The following SIPA1L3 variants were observed in gnomAD, a reference collection of about 807,000 sequenced individuals.
SIPA1L3 encodes the protein signal-induced proliferation-associated 1-like protein 3.
In SIPA1L3, 59 loss-of-function variants were observed where a neutral mutation model predicts 150.1. That is an observed-to-expected ratio of 0.39 (90% CI 0.32 to 0.49). SIPA1L3 has a LOEUF of 0.49. Among genes scored for constraint, SIPA1L3 ranks in the 20% least tolerant of loss-of-function variants. The pLI is 0.86. For synonymous variants in SIPA1L3, 1,070 were observed against 1,077.6 expected, an observed-to-expected ratio of 0.99 and a Z score of 0.14; for missense variants, 2,211 against 2,489.5, an observed-to-expected ratio of 0.89 and a Z score of 2.38.
At chr19:38,145,232 C>CAA (rs55893104) in intron 12 of SIPA1L3, among the ~76,000 whole-genome samples, 15 of 151,110 alleles carry the variant, frequency 9.9e-5, no homozygotes, top group Admixed American at 2.6e-4. Flanking sequence ...AGGAAGTTGC[C>CAA]AAAAAAAACA....
intron 1 of SIPA1L3, among the ~76,000 whole-genome samples, chr19:37,955,715 TTC>T (rs1242371104): frequency 3.6e-4 from 55 of 152,248 alleles, no homozygotes; most frequent in Admixed American, 3.6e-3. Flanking sequence ...CGTTCATTTG[TTC>T]TTATTGCTGA....
intron 12 of SIPA1L3, among the ~76,000 whole-genome samples, chr19:38,147,180 A>G (rs571801069): frequency 4.8e-4 from 73 of 151,414 alleles, no homozygotes; most frequent in Non-Finnish European, 7.5e-4. Context: ...TCATGCCTCA[A>G]CCTCCCATGA....
At position 38,182,686 on chromosome 19, in the gene SIPA1L3, G is replaced by C; in HGVS notation, c.4376G>C (p.Trp1459Ser). 1 of 1,614,138 alleles carries C rather than the reference G, an allele frequency of 6.2e-7. No homozygotes were observed. The highest frequency in any genetic ancestry group is 1.1e-5 in the South Asian group (1 of 91,062). The change falls in exon 16 of 22, where the codon TGG (tryptophan) becomes TCG (serine). Residue 1459 changes from tryptophan to serine, a missense_variant. Transcript: ENST00000222345. ...QPVRNKHPTG[W>S]KRTEEPPPRP... is the part of the protein sequence containing the mutation. Reference sequence around the variant, plus strand: ...GTACGCAATAAGCACCCAACAGGGTGGAAGAGAACGGAGGAGCCCCCACCA... The same window carrying C: ...GTACGCAATAAGCACCCAACAGGGTCGAAGAGAACGGAGGAGCCCCCACCA...
At chr19:37,945,489 A>C (rs980417860) in intron 1 of SIPA1L3, among the ~76,000 whole-genome samples, 1 of 152,076 alleles carries the variant, frequency 6.6e-6, no homozygotes, top group African/African-American at 2.4e-5. Flanking sequence ...TGCCCACTTC[A>C]GCCTTCCAAA....
chr19:38,133,986 A>T (rs1028593922), intron 10 of SIPA1L3, among the ~76,000 whole-genome samples: 4 of 145,232 alleles, frequency 2.8e-5, no homozygotes, highest in African/African-American at 5.0e-5. Flanking sequence ...ACTACAACAA[A>T]TTTTTTTTTT....
At chr19:37,988,878 G>A (rs1397121426) in intron 1 of SIPA1L3, among the ~76,000 whole-genome samples, 2 of 152,042 alleles carry the variant, frequency 1.3e-5, no homozygotes, top group East Asian at 3.9e-4. Flanking sequence ...TGCGCGGGCC[G>A]TCCTCCCTCC....
At chr19:38,004,124 A>G (rs925192481) in intron 1 of SIPA1L3, among the ~76,000 whole-genome samples, 2 of 152,202 alleles carry the variant, frequency 1.3e-5, no homozygotes, top group Non-Finnish European at 2.9e-5. Flanking sequence ...AGTGTGCTAG[A>G]CAGTCTTTAA....
intron 1 of SIPA1L3, among the ~76,000 whole-genome samples, chr19:38,024,023 G>A (rs929850251): frequency 6.6e-6 from 1 of 152,156 alleles, no homozygotes; most frequent in Non-Finnish European, 1.5e-5. Flanking sequence ...GAGGGGGAGG[G>A]GGGTGGACGA....
intron 1 of SIPA1L3, among the ~76,000 whole-genome samples, chr19:37,953,150 C>G (rs353408): frequency 6.6e-6 from 1 of 152,306 alleles, no homozygotes; most frequent in East Asian, 1.9e-4. Flanking sequence ...CGTGAACCCG[C>G]ATTCTCAGCT....
intron 6 of SIPA1L3, among the ~76,000 whole-genome samples, chr19:38,103,628 CAAA>C (rs35401704): frequency 7.3e-6 from 1 of 137,282 alleles, no homozygotes. Flanking sequence ...AACTTCATCT[CAAA>C]AAAAAAAAAG....
chr19:38,046,420 G>A lies in SIPA1L3; in HGVS notation c.-311+17264G>A, dbSNP rs1599949949. On this transcript the variant is annotated intron_variant, in intron 2 of 21. Transcript: ENST00000222345. This position sits in a 1 kb window ranked among gnomAD's most constrained non-coding sequence, Gnocchi z 5.6. The stretch of plus-strand genomic sequence containing the variant: ...GATGACAGCACAAAGCTTCAAGGTC[G>A]GGGGCCGTGGGGTGGTGGTGGAGTC... Among the ~76,000 whole-genome samples the A allele has an allele frequency of 1.3e-5, 2 of 152,146 alleles. No individual in the cohort carries two copies. The highest frequency in any genetic ancestry group is 3.9e-4 in the East Asian group (2 of 5,172).
intron 10 of SIPA1L3, among the ~76,000 whole-genome samples, chr19:38,134,231 G>C (rs1479448233): frequency 3.3e-5 from 5 of 150,388 alleles, no homozygotes. Flanking sequence ...TGATCTGCCC[G>C]CCTCGACCTC....
chr19:37,977,619 A>G (rs1181002407), intron 1 of SIPA1L3, among the ~76,000 whole-genome samples: 3 of 151,716 alleles, frequency 2.0e-5, no homozygotes, highest in Non-Finnish European at 4.4e-5. Context: ...CGAGGGAGAA[A>G]CAGTTGTCCC....
At chr19:38,154,112 G>C (rs1971890067) in intron 13 of SIPA1L3, among the ~76,000 whole-genome samples, 1 of 152,150 alleles carries the variant, frequency 6.6e-6, no homozygotes, top group African/African-American at 2.4e-5. Flanking sequence ...GCCTGGTTTT[G>C]AATTTCATAG....
intron 3 of SIPA1L3, among the ~76,000 whole-genome samples, chr19:38,084,472 G>A (rs1037319362): frequency 2.0e-5 from 3 of 148,566 alleles, no homozygotes; most frequent in African/African-American, 7.5e-5. Flanking sequence ...GGCCACACCT[G>A]TGTGCAAAAG....
intron 6 of SIPA1L3, among the ~76,000 whole-genome samples, chr19:38,103,148 A>T (rs1165871099): frequency 2.0e-5 from 3 of 151,736 alleles, no homozygotes; most frequent in Non-Finnish European, 4.4e-5. Flanking sequence ...AAAAAAAAAA[A>T]ACAAGGGAAT....
intron 2 of SIPA1L3, among the ~76,000 whole-genome samples, chr19:38,034,709 C>T (rs958541402): frequency 5.3e-5 from 8 of 152,304 alleles, no homozygotes; most frequent in Non-Finnish European, 1.2e-4. Flanking sequence ...GTCTAGTCCT[C>T]GGGAGAGCAC....
chr19:38,001,853 T>C (rs1967815012), intron 1 of SIPA1L3, among the ~76,000 whole-genome samples: 1 of 152,252 alleles, frequency 6.6e-6, no homozygotes, highest in Non-Finnish European at 1.5e-5. Flanking sequence ...ATTTTATAAT[T>C]AGCTTTAGCT....
At chr19:38,066,403 T>G (rs61355521) in intron 2 of SIPA1L3, among the ~76,000 whole-genome samples, 1 of 152,108 alleles carries the variant, frequency 6.6e-6, no homozygotes, top group African/African-American at 2.4e-5. Flanking sequence ...TGGTGGGCAT[T>G]TGGGCTGTTC....
Sources: allele counts gnomAD v4.1 joint callset (sites outside exome capture counted in the v4.1 genomes callset), GRCh38; gene constraint gnomAD v4.1.1; non-coding constraint Gnocchi (gnomAD v3.1); transcripts MANE v1.5; gene names NCBI Gene and HGNC (gene_info 2026-07-23, HGNC 2026-07-21).